The following CFAP20DC variants were observed in gnomAD, a reference collection of about 807,000 sequenced individuals.
The protein encoded by CFAP20DC is protein CFAP20DC.
In CFAP20DC, 84 loss-of-function variants were observed where a neutral mutation model predicts 101.7. The observed-to-expected ratio is 0.83, with a 90% CI of 0.69 to 0.99. The LOEUF (loss-of-function observed/expected upper bound fraction) is 0.99. CFAP20DC is among the 50% of genes least tolerant of loss of function. CFAP20DC has a pLI of 0.00. For synonymous variants in CFAP20DC, 359 were observed against 351.2 expected (o/e 1.02, Z -0.25); for missense variants, 1,007 against 970.3 (o/e 1.04, Z -0.50).
chr3:58,966,442 A>G (rs1467794077), intron 4 of CFAP20DC, among the ~76,000 whole-genome samples: 1 of 151,748 alleles, frequency 6.6e-6, no homozygotes, highest in African/African-American at 2.4e-5. Flanking sequence ...ATACATTGAA[A>G]ACTACAAAAT....
chr3:58,746,149 T>C (rs891275388), intron 16 of CFAP20DC, among the ~76,000 whole-genome samples: 2 of 152,326 alleles, frequency 1.3e-5, no homozygotes, highest in African/African-American at 4.8e-5. Context: ...TAGTTTTATA[T>C]AGAACATTAG....
At chr3:58,770,057 C>T (rs370613903) in intron 15 of CFAP20DC, among the ~76,000 whole-genome samples, 42 of 152,250 alleles carry the variant, frequency 2.8e-4, no homozygotes, top group African/African-American at 9.4e-4. Context: ...TTCTATCTTT[C>T]CTGTATGCCA....
chr3:58,807,056 A>AGCG (rs899257067), intron 14 of CFAP20DC, among the ~76,000 whole-genome samples: 12 of 152,190 alleles, frequency 7.9e-5, no homozygotes, highest in African/African-American at 2.9e-4. Flanking sequence ...AGGTAAACAA[A>AGCG]GCAGCCAGGA....
In CFAP20DC at chr3:59,049,729, AGC is replaced by A; in HGVS notation, c.-100_-99del. On this transcript the variant is annotated 5_prime_UTR_variant, in exon 1 of 17. Transcript: ENST00000482387. ...GGAAATCGGCTGGCGGGAACCCAGG[AGC>A]CCGACGGGTGGGAAAGGGCTTCGTG... The A allele has an allele frequency of 2.1e-6, 3 of 1,439,168 alleles. No homozygotes were observed. The South Asian group carries it at 3.9e-5, about 19-fold the overall frequency. The allele number at this position is 1,439,168 out of a possible 1,614,324, so 89.1% of individuals were successfully genotyped here.
Position 58,742,589 on chromosome 3 carries a change from C to T in CFAP20DC, c.2333-17G>A, listed in dbSNP as rs762712592. 6.3e-6 allele frequency: 10 copies of T among 1,581,824 alleles called. No individual in the cohort carries two copies. The highest frequency in any genetic ancestry group is 8.6e-6 in the Non-Finnish European group (10 of 1,160,126). ...CTTCTTCACCTGTGGGGAAGGGGAA[C>T]CACAGACACATTAGCTGTTGGCTTG... On this transcript the variant is annotated splice_polypyrimidine_tract_variant and intron_variant, in intron 16 of 16. Transcript: ENST00000482387.
At chr3:58,834,137 T>G (rs1480385440) in intron 13 of CFAP20DC, among the ~76,000 whole-genome samples, 1 of 152,168 alleles carries the variant, frequency 6.6e-6, no homozygotes, top group African/African-American at 2.4e-5. Context: ...TTACAGAATC[T>G]TGTGAATATA....
chr3:58,863,913 C>T lies in CFAP20DC; in HGVS notation c.1259-21G>A, dbSNP rs371602629. 1.0e-5 allele frequency: 16 copies of T among 1,582,340 alleles called. No homozygotes were observed. The highest frequency in any genetic ancestry group is 1.2e-5 in the South Asian group (1 of 86,368). ...CTCATCTGACAGTTGGAAAAGATGA[C>T]AAAAATTAGAGCAGTAATCCATAAA... On this transcript the variant is annotated intron_variant, in intron 11 of 16. Coordinates refer to ENST00000482387, the MANE Select transcript of CFAP20DC (RefSeq NM_001394063.1). This position sits in a 1 kb window ranked among gnomAD's most constrained non-coding sequence, Gnocchi z 5.9.
At chr3:58,741,499 A>ATT (rs570289689), downstream of CFAP20DC, among the ~76,000 whole-genome samples, 4 of 143,002 alleles carry the variant, frequency 2.8e-5, no homozygotes, top group African/African-American at 2.6e-5. Flanking sequence ...TTGTCAAAAT[A>ATT]TTTTTTTTTT....
intron 11 of CFAP20DC, 118 bp downstream of exon 11, chr3:58,866,448 C>G (rs1348076689): frequency 5.2e-6 from 4 of 763,162 alleles, no homozygotes; most frequent in Non-Finnish European, 8.1e-6. Flanking sequence ...TTTACACAAA[C>G]TTACACATTT....
chr3:58,911,423 A>G (rs898781702), intron 6 of CFAP20DC, among the ~76,000 whole-genome samples: 4 of 152,134 alleles, frequency 2.6e-5, no homozygotes, highest in African/African-American at 9.7e-5. Context: ...AGAAGTCAGT[A>G]TAGAGGTTAT....
chr3:58,894,877 G>A lies in CFAP20DC; in HGVS notation c.551-10168C>T, dbSNP rs540195540. On this transcript the variant is annotated intron_variant, in intron 6 of 16. Transcript: ENST00000482387. This position sits in a 1 kb window ranked among gnomAD's most constrained non-coding sequence, Gnocchi z 4.1. ...TGGAGGTTCCCAAACCTCAATTCTTGACTTCTGTGCACTTGCAGGCTCAAC... is the reference window on the plus strand; with the variant it reads ...TGGAGGTTCCCAAACCTCAATTCTTAACTTCTGTGCACTTGCAGGCTCAAC... Among the ~76,000 whole-genome samples the A allele has an allele frequency of 1.3e-5, 2 of 152,220 alleles. No homozygotes were observed. Among genetic ancestry groups the A allele is most frequent in the Non-Finnish European group, 2.9e-5 (2 of 68,036 alleles).
At chr3:58,877,707 A>G (rs2080870335) in intron 7 of CFAP20DC, among the ~76,000 whole-genome samples, 1 of 152,106 alleles carries the variant, frequency 6.6e-6, no homozygotes, top group Non-Finnish European at 1.5e-5. Context: ...TTCTTCCCAT[A>G]TTTTCCAATT....
chr3:58,926,906 T>G (rs370673838), intron 5 of CFAP20DC, among the ~76,000 whole-genome samples: 1 of 152,212 alleles, frequency 6.6e-6, no homozygotes, highest in Admixed American at 6.5e-5. Flanking sequence ...ATAATTGAAC[T>G]TCTTATTCAA....
chr3:58,922,534 T>C (rs975307618), intron 5 of CFAP20DC, among the ~76,000 whole-genome samples: 1 of 152,130 alleles, frequency 6.6e-6, no homozygotes, highest in Admixed American at 6.5e-5. Context: ...TGAGAACTGG[T>C]TGATGAAAAG....
At chr3:58,807,085 C>A (rs1179731446) in intron 14 of CFAP20DC, among the ~76,000 whole-genome samples, 1 of 152,186 alleles carries the variant, frequency 6.6e-6, no homozygotes, top group Non-Finnish European at 1.5e-5. Flanking sequence ...CTGGGTGGAG[C>A]CCACCACAAC....
chr3:58,830,456 C>T (rs1048184829), intron 14 of CFAP20DC, among the ~76,000 whole-genome samples: 2 of 152,006 alleles, frequency 1.3e-5, no homozygotes, highest in Non-Finnish European at 2.9e-5. Context: ...ACAGAGTAGC[C>T]GTAAGGAGTA....
At chr3:58,954,155 T>G (rs962920487) in intron 4 of CFAP20DC, among the ~76,000 whole-genome samples, 21 of 152,328 alleles carry the variant, frequency 1.4e-4, no homozygotes, top group South Asian at 2.1e-4. Flanking sequence ...AATTTTCAAT[T>G]TGCTTTTAGA....
At position 58,934,352 on chromosome 3, in the gene CFAP20DC, A is replaced by T. The variant is rs556236364; in HGVS notation, c.393+3296T>A. Among the ~76,000 whole-genome samples the T allele has an allele frequency of 5.9e-5, 9 of 152,342 alleles. No individual in the cohort carries two copies. In the East Asian group the frequency reaches 1.4e-3, roughly 23 times the overall value. On this transcript the variant is annotated intron_variant, in intron 5 of 16. Coordinates refer to ENST00000482387, the MANE Select transcript of CFAP20DC (RefSeq NM_001394063.1). ...GAATTCTACCAGAGGTACAAGGAGG[A>T]ACTGGTACCATTCCTTCTGAAACTA...
chr3:58,868,830 C>T lies in CFAP20DC; in HGVS notation c.1015+498G>A, dbSNP rs1424160058. 3.9e-5 allele frequency among the ~76,000 whole-genome samples: 6 copies of T among 152,186 alleles called. No homozygotes were observed. The highest frequency in any genetic ancestry group is 2.6e-4 in the Admixed American group (4 of 15,276). On this transcript the variant is annotated intron_variant, in intron 9 of 16. Coordinates refer to ENST00000482387, the MANE Select transcript of CFAP20DC (RefSeq NM_001394063.1). The surrounding 1 kb of genome is among the most constrained non-coding windows in gnomAD (Gnocchi z 4.6). Reference sequence around the variant, plus strand: ...TCTTGGGTTCTGGTCTAAATTATTTCTAAAGGTTACAAACTGCAAATCACT... The same window carrying T: ...TCTTGGGTTCTGGTCTAAATTATTTTTAAAGGTTACAAACTGCAAATCACT...
Sources: allele counts gnomAD v4.1 joint callset (sites outside exome capture counted in the v4.1 genomes callset), GRCh38; gene constraint gnomAD v4.1.1; non-coding constraint Gnocchi (gnomAD v3.1); transcripts MANE v1.5; gene names NCBI Gene and HGNC (gene_info 2026-07-23, HGNC 2026-07-21).